Variants in TXNRD2 observed in about 807,000 individuals in gnomAD.
TXNRD2 encodes thioredoxin reductase 2, mitochondrial.
TXNRD2 carries 67 observed loss-of-function variants against 70.8 expected under a neutral mutation model. That is an observed-to-expected ratio of 0.95 (90% CI 0.78 to 1.16). The LOEUF (loss-of-function observed/expected upper bound fraction) is 1.16, where lower values mean the gene tolerates loss of function less well. Ranked by LOEUF, TXNRD2 falls within the 50% of genes most tolerant of loss-of-function variation. TXNRD2 has a pLI of 0.00. For missense variants in TXNRD2, 644 were observed against 719.9 expected (o/e 0.89, Z 1.21); for synonymous variants, 301 against 295.8 (o/e 1.02, Z -0.18).
At chr22:19,915,644 C>CT in intron 6 of TXNRD2, 121 bp downstream of exon 6, 1 of 920,258 alleles carries the variant, frequency 1.1e-6, no homozygotes. Context: ...AAGAAGCCAC[C>CT]TTTTTGATTC....
rs1197894354 is a variant in TXNRD2, at chr22:19,915,812, A to G, written c.481T>C (p.Phe161Leu). Residue 161 changes from phenylalanine to leucine, a missense_variant, in exon 6 of 18, where the codon TTT becomes CTT. Phe to Leu is a conservative substitution (Grantham distance 22). This residue lies in a region of TXNRD2 where 566 missense variants were observed against 645.0 expected (regional missense o/e 0.88). Transcript: ENST00000400521. The part of the protein sequence containing the change: ...KVKYFNIKAS[F>L]VDEHTVCGVA... ...CCGCAAACCGTGTGCTCGTCAACAA[A>G]GCTGGCTTTGATGTTAAAGTACTTG... 2.5e-6 allele frequency: 4 copies of G among 1,614,194 alleles called. No individual in the cohort carries two copies. The highest frequency in any genetic ancestry group is 1.7e-6 in the Non-Finnish European group (2 of 1,180,032).
At chr22:19,915,625 C>A in intron 6 of TXNRD2, 140 bp downstream of exon 6, 2 of 788,178 alleles carry the variant, frequency 2.5e-6, no homozygotes, top group East Asian at 2.6e-5. Context: ...GACAAGTGCC[C>A]AGCCTCAAAA....
At chr22:19,923,802 CAA>C (rs1399040468) in intron 2 of TXNRD2, among the ~76,000 whole-genome samples, 1 of 123,270 alleles carries the variant, frequency 8.1e-6, no homozygotes, top group Non-Finnish European at 1.7e-5. Context: ...AACTATGTCT[CAA>C]AAAAAAAAGT....
In TXNRD2 at chr22:19,895,567, C is replaced by T. The variant is rs1939469611; in HGVS notation, c.789G>A (p.Met263Ile). ...CATGAGATGCCATGTGCTCTATGAC[C>T]ATGGAGGACATTTGCTGCAAAGCAC... is the stretch of plus-strand genomic sequence containing the variant. ...LRGFDQQMSS[M>I]VIEHMASHGT... The change falls in exon 11 of 18, where the codon ATG (methionine) becomes ATA (isoleucine). Residue 263 changes from methionine to isoleucine, a missense_variant. Coordinates refer to ENST00000400521, the MANE Select transcript of TXNRD2 (RefSeq NM_006440.5). 6.2e-6 allele frequency: 10 copies of T among 1,612,004 alleles called. No homozygotes were observed. The highest frequency in any genetic ancestry group is 8.5e-6 in the Non-Finnish European group (10 of 1,180,024).
At chr22:19,923,894 A>G (rs1941018060) in intron 2 of TXNRD2, among the ~76,000 whole-genome samples, 1 of 144,322 alleles carries the variant, frequency 6.9e-6, no homozygotes, top group Non-Finnish European at 1.5e-5. Context: ...TGACTGGTAC[A>G]ACTGCAGCTG....
chr22:19,918,254 A>C, intron 4 of TXNRD2, 37 bp from the exon 5 acceptor site: 1 of 1,583,344 alleles, frequency 6.3e-7, no homozygotes, highest in Non-Finnish European at 8.7e-7. Flanking sequence ...AATCCACAAC[A>C]CAGGTGTTAG....
intron 8 of TXNRD2, among the ~76,000 whole-genome samples, chr22:19,906,369 C>T (rs551535589): frequency 6.6e-6 from 1 of 152,296 alleles, no homozygotes; most frequent in East Asian, 1.9e-4. Flanking sequence ...GTAGCTCACA[C>T]CTGTAATCCC....
chr22:19,878,558 C>T, intron 14 of TXNRD2, 121 bp from the exon 15 acceptor site: 1 of 951,462 alleles, frequency 1.1e-6, no homozygotes, highest in Non-Finnish European at 1.7e-6. Flanking sequence ...TCCATCTGGC[C>T]TGAAGGTCTG....
At chr22:19,939,145 T>C (rs978215724) in intron 1 of TXNRD2, among the ~76,000 whole-genome samples, 1 of 152,160 alleles carries the variant, frequency 6.6e-6, no homozygotes, top group African/African-American at 2.4e-5. Flanking sequence ...GTGTGAATAC[T>C]GACAATAAAA....
intron 2 of TXNRD2, among the ~76,000 whole-genome samples, chr22:19,926,454 C>A (rs1443069801): frequency 6.6e-6 from 1 of 151,940 alleles, no homozygotes; most frequent in African/African-American, 2.4e-5. Flanking sequence ...CACACCACTG[C>A]ACTCCAGTCA....
In TXNRD2 at chr22:19,877,103, G is replaced by GC; in HGVS notation, c.*1dup. ...GTGTGCCCTGGCCTGCAGGGATGGC[G>GC]CTTACCCTCAGCAGCCTGTCACCGT... On this transcript the variant is annotated 3_prime_UTR_variant, in exon 17 of 18. Transcript: ENST00000400521. The GC allele has an allele frequency of 6.3e-7, 1 of 1,597,032 alleles. No homozygotes were observed. The highest frequency in any genetic ancestry group is 8.6e-7 in the Non-Finnish European group (1 of 1,167,166).
intron 10 of TXNRD2, 44 bp downstream of exon 10, chr22:19,897,995 G>T: frequency 6.6e-7 from 1 of 1,507,658 alleles, no homozygotes; most frequent in South Asian, 1.2e-5. Context: ...GTGGGAGGAA[G>T]GCCTCAGAGC....
intron 5 of TXNRD2, among the ~76,000 whole-genome samples, chr22:19,917,498 C>T (rs1940689950): frequency 6.6e-6 from 1 of 152,156 alleles, no homozygotes; most frequent in Admixed American, 6.5e-5. Flanking sequence ...TGAGGAGAGC[C>T]ACCAGACCTC....
In TXNRD2 at chr22:19,898,087, C is replaced by T. The variant is rs762871886; in HGVS notation, c.726G>A (p.Leu242=). Residue 242 remains leucine, a synonymous_variant, in exon 10 of 18, where the codon CTG becomes CTA. Transcript: ENST00000400521. ...ECAGFLTGIG[L]DTTIMMRSIP... ...TGCTGCGCATCATGATGGTGGTGTC[C>T]AGCCCAATCCCGGTGAGGAAGCCAG... 1 of 1,567,446 alleles carries T rather than the reference C, an allele frequency of 6.4e-7. No homozygotes were observed. The highest frequency in any genetic ancestry group is 1.9e-5 in the Admixed American group (1 of 53,368).
intron 8 of TXNRD2, among the ~76,000 whole-genome samples, chr22:19,906,743 G>C (rs967657356): frequency 5.3e-5 from 8 of 152,162 alleles, no homozygotes; most frequent in Non-Finnish European, 1.2e-4. Flanking sequence ...GACAAACCAC[G>C]ATCAGTGGGT....
rs17745433 is a variant in TXNRD2, at chr22:19,919,823, T to C, written c.173-224A>G. Among the ~76,000 whole-genome samples, 21,626 of 139,308 alleles carry C rather than the reference T, an allele frequency of 0.16. 1,653 individuals carry two copies. Among genetic ancestry groups the C allele is most frequent in the African/African-American group, 0.24 (7,051 of 29,620 alleles). 91.4% of individuals were successfully genotyped at this position (139,308 alleles called of 152,430 possible). On this transcript the variant is annotated intron_variant, in intron 2 of 17. Coordinates refer to ENST00000400521, the MANE Select transcript of TXNRD2 (RefSeq NM_006440.5). ...GCTGGCTCTGCATTGAGTCTTCCAG[T>C]CTCTTTCTGGCACTGCCCACCCAGC...
intron 1 of TXNRD2, among the ~76,000 whole-genome samples, chr22:19,933,730 G>C (rs560561267): frequency 1.8e-4 from 27 of 152,318 alleles, no homozygotes; most frequent in African/African-American, 6.5e-4. Flanking sequence ...GTACCTCAAA[G>C]GTGGGTAGGG....
intron 2 of TXNRD2, among the ~76,000 whole-genome samples, chr22:19,929,050 G>A (rs1318235470): frequency 6.6e-6 from 1 of 150,522 alleles, no homozygotes; most frequent in South Asian, 2.1e-4. Context: ...GCCATAGGCC[G>A]GGCGCGGTGG....
intron 8 of TXNRD2, among the ~76,000 whole-genome samples, chr22:19,903,762 G>A (rs1041379773): frequency 5.3e-5 from 8 of 152,192 alleles, no homozygotes; most frequent in African/African-American, 1.4e-4. Context: ...CACCATCCTC[G>A]CCTTCCACAT....
Sources: gnomAD v4.1 joint callset for allele counts (sites outside exome capture counted in the v4.1 genomes callset) on GRCh38, gnomAD v4.1.1 for gene constraint, gnomAD v4.1.1 regional missense constraint, MANE v1.5 for transcripts, NCBI Gene and HGNC (gene_info 2026-07-23, HGNC 2026-07-21) for gene names.